RERE: variants seen among roughly 807,000 people sequenced by gnomAD.
RERE encodes arginine-glutamic acid dipeptide repeats, also known as arginine-glutamic acid dipeptide repeats protein.
Under a neutral mutation model 146.1 loss-of-function variants are expected in RERE, and 40 were observed. The observed-to-expected ratio is 0.27, with a 90% CI of 0.21 to 0.36. RERE has a LOEUF of 0.36. Ranked by LOEUF, RERE falls within the 10% of genes least tolerant of loss-of-function variation. The probability of loss-of-function intolerance (pLI) is 1.00; values close to 1 mark genes in which losing one functional copy is unlikely to be tolerated. For synonymous variants in RERE, 1,003 were observed against 866.0 expected (o/e 1.16, Z -2.78); for missense variants, 1,933 against 2,138.7 (o/e 0.90, Z 1.90).
intron 2 of RERE, 109 bp from the exon 3 acceptor site, chr1:8,624,489 T>C (rs1646951532): frequency 4.5e-6 from 3 of 661,988 alleles, no homozygotes; most frequent in African/African-American, 3.7e-5. Flanking sequence ...ACATATCTTT[T>C]ATTGTAAATT....
intron 8 of RERE, among the ~76,000 whole-genome samples, chr1:8,501,413 C>A (rs1570350177): frequency 1.5e-5 from 1 of 65,972 alleles, no homozygotes; most frequent in African/African-American, 7.7e-5. Flanking sequence ...CCAGCCGCCC[C>A]GTCCGGGAGG....
chr1:8,539,387 G>C (rs946365332), intron 7 of RERE, among the ~76,000 whole-genome samples: 1 of 144,484 alleles, frequency 6.9e-6, no homozygotes, highest in Non-Finnish European at 1.5e-5. Context: ...AACCATCATA[G>C]TTTTCTTTCT....
At chr1:8,459,642 C>CACGT (rs1644500605) in intron 11 of RERE, among the ~76,000 whole-genome samples, 1 of 152,026 alleles carries the variant, frequency 6.6e-6, no homozygotes, top group African/African-American at 2.4e-5. Flanking sequence ...GACATAAAAC[C>CACGT]ACGTACGTAC....
At chr1:8,416,477 TC>T (rs1570186714) in intron 12 of RERE, among the ~76,000 whole-genome samples, 2 of 151,022 alleles carry the variant, frequency 1.3e-5, no homozygotes, top group East Asian at 3.9e-4. Context: ...TCCCAGCTAC[TC>T]GGGAGGCTGA....
chr1:8,616,814 T>C (rs367629757), intron 3 of RERE, among the ~76,000 whole-genome samples: 1 of 152,210 alleles, frequency 6.6e-6, no homozygotes, highest in Non-Finnish European at 1.5e-5. Flanking sequence ...TGAAGACAAA[T>C]TGCTGGCAAG....
chr1:8,356,109 G>A lies in RERE; in HGVS notation c.4477C>T (p.Pro1493Ser), dbSNP rs2124353963. The A allele has an allele frequency of 6.7e-7, 1 of 1,502,458 alleles. No homozygotes were observed. Among genetic ancestry groups the A allele is most frequent in the South Asian group, 1.3e-5 (1 of 76,326 alleles). The allele number at this position is 1,502,458 out of a possible 1,614,324, so 93.1% of individuals were successfully genotyped here. Residue 1493 changes from proline to serine, a missense_variant, in exon 21 of 23, where the codon CCA becomes TCA. Pro to Ser is a moderately conservative substitution (Grantham distance 74). Coordinates refer to ENST00000400908, the MANE Select transcript of RERE (RefSeq NM_001042681.2). This position sits in a 1 kb window ranked among gnomAD's most constrained non-coding sequence, Gnocchi z 5.2. The stretch of plus-strand genomic sequence containing the variant: ...GGAGGGGAAGTCTTACCGAAAACTG[G>A]GTGGCGAAGCATCTCGTGCTCGTGT... The part of the protein sequence containing the change: ...PPHEHEMLRH[P>S]VFGTPYPRDL...
intron 1 of RERE, among the ~76,000 whole-genome samples, chr1:8,724,773 G>A (rs1435258912): frequency 1.3e-5 from 2 of 149,048 alleles, no homozygotes; most frequent in Non-Finnish European, 3.0e-5. Flanking sequence ...ACACTGCAGT[G>A]AGCTGAGATT....
At chr1:8,376,168 A>AT (rs1334014700) in intron 12 of RERE, among the ~76,000 whole-genome samples, 1 of 152,294 alleles carries the variant, frequency 6.6e-6, no homozygotes, top group East Asian at 1.9e-4. Flanking sequence ...AGCCATCTAG[A>AT]TTTTTTTAAG....
chr1:8,655,198 T>C (rs574929284), intron 2 of RERE, among the ~76,000 whole-genome samples: 1 of 151,766 alleles, frequency 6.6e-6, no homozygotes, highest in African/African-American at 2.4e-5. Context: ...AATACATCTC[T>C]GATCTTCAGG....
chr1:8,408,894 G>A (rs1422124098), intron 12 of RERE, among the ~76,000 whole-genome samples: 3 of 152,136 alleles, frequency 2.0e-5, no homozygotes, highest in Non-Finnish European at 2.9e-5. Context: ...TGAATACAAC[G>A]CCTGAGAATG....
intron 1 of RERE, among the ~76,000 whole-genome samples, chr1:8,812,548 G>A (rs1389581979): frequency 6.6e-6 from 1 of 152,168 alleles, no homozygotes; most frequent in Non-Finnish European, 1.5e-5. Context: ...TCGGGAGACT[G>A]AGGCAGGAAA....
intron 2 of RERE, 100 bp downstream of exon 2, chr1:8,655,873 A>G: frequency 6.6e-7 from 1 of 1,512,798 alleles, no homozygotes; most frequent in Non-Finnish European, 8.8e-7. Context: ...CTAGATTCCA[A>G]GCCTTCCTTA....
At chr1:8,816,090 T>C (rs1641906395) in intron 1 of RERE, among the ~76,000 whole-genome samples, 1 of 152,144 alleles carries the variant, frequency 6.6e-6, no homozygotes, top group Admixed American at 6.6e-5. Flanking sequence ...AGACTGAGAC[T>C]AAAAAGACCA....
chr1:8,771,918 A>G (rs1164438924), intron 1 of RERE, among the ~76,000 whole-genome samples: 1 of 151,150 alleles, frequency 6.6e-6, no homozygotes, highest in Non-Finnish European at 1.5e-5. Flanking sequence ...TCAAAAAAAA[A>G]AAAAAAAAAA....
intron 1 of RERE, among the ~76,000 whole-genome samples, chr1:8,799,757 T>C (rs184741605): frequency 1.3e-5 from 2 of 152,070 alleles, no homozygotes; most frequent in African/African-American, 4.8e-5. Context: ...TGATTTTTTT[T>C]TTTTATTTTT....
chr1:8,358,557 G>A lies in RERE; in HGVS notation c.3978C>T (p.Gly1326=). 1 of 1,605,266 alleles carries A rather than the reference G, an allele frequency of 6.2e-7. No homozygotes were observed. Among genetic ancestry groups the A allele is most frequent in the Non-Finnish European group, 8.5e-7 (1 of 1,176,454 alleles). Residue 1326 remains glycine, a synonymous_variant, in exon 20 of 23, where the codon GGC becomes GGT. Transcript: ENST00000400908. ...ERELRERMKP[G]FEVKPPELDP... is the part of the protein sequence containing the mutation. ...CCAGCTCTGGGGGCTTCACCTCGAA[G>A]CCCGGCTTCATCCTCTCCCGCAGCT... is the stretch of plus-strand genomic sequence containing the variant.
intron 7 of RERE, among the ~76,000 whole-genome samples, chr1:8,521,176 CAAAAAAA>C (rs36115526): frequency 1.8e-5 from 2 of 109,976 alleles, no homozygotes; most frequent in East Asian, 5.5e-4. Context: ...TTCTTTTTTT[CAAAAAAA>C]AAAAAAAAAA....
At chr1:8,678,749 G>A (rs543224939) in intron 1 of RERE, among the ~76,000 whole-genome samples, 4 of 152,260 alleles carry the variant, frequency 2.6e-5, no homozygotes, top group African/African-American at 9.6e-5. Context: ...CAACTCACAT[G>A]CTAATAGTCT....
intron 12 of RERE, among the ~76,000 whole-genome samples, chr1:8,386,588 G>C (rs1376708310): frequency 1.6e-5 from 1 of 62,274 alleles, no homozygotes; most frequent in Non-Finnish European, 4.4e-5. Flanking sequence ...AAATGAAAAA[G>C]AAAAGGACAA....
Sources: allele counts gnomAD v4.1 joint callset (sites outside exome capture counted in the v4.1 genomes callset), GRCh38; gene constraint gnomAD v4.1.1; non-coding constraint Gnocchi (gnomAD v3.1); transcripts MANE v1.5; gene names NCBI Gene and HGNC (gene_info 2026-07-23, HGNC 2026-07-21).